CX3CR1: variants seen among roughly 807,000 people sequenced by gnomAD.
CX3CR1 encodes CX3C chemokine receptor 1.
For missense variants in CX3CR1, 363 were observed against 432.4 expected (o/e 0.84, Z 1.42); for synonymous variants, 168 against 178.5 (o/e 0.94, Z 0.47).
chr3:39,281,328 C>T (rs2040896227), upstream of CX3CR1: 1 of 896,486 alleles, frequency 1.1e-6, no homozygotes, highest in South Asian at 3.3e-5. Context: ...CCACCCCACA[C>T]CACCCCTTGA....
At chr3:39,291,394 T>A in the CX3CR1 span, among the ~76,000 whole-genome samples, 8 of 152,326 alleles carry the variant, frequency 5.3e-5, no homozygotes, top group South Asian at 1.7e-3. Context: ...TTTTTTCACG[T>A]GCAACATGTA....
chr3:39,276,586 C>T (rs1377992494), intron 1 of CX3CR1, among the ~76,000 whole-genome samples: 8 of 152,200 alleles, frequency 5.3e-5, no homozygotes, highest in Non-Finnish European at 8.8e-5. Flanking sequence ...CTCCTTGCTG[C>T]GTAGGATTCC....
intron 1 of CX3CR1, among the ~76,000 whole-genome samples, chr3:39,269,698 C>T (rs540847678): frequency 3.3e-5 from 5 of 152,280 alleles, no homozygotes; most frequent in South Asian, 2.1e-4. Context: ...TGAGGGCAGA[C>T]GAACACTCTG....
intron 1 of CX3CR1, among the ~76,000 whole-genome samples, chr3:39,270,480 T>C (rs1383804418): frequency 6.6e-6 from 1 of 152,252 alleles, no homozygotes; most frequent in East Asian, 1.9e-4. Context: ...AGTTTCTAGC[T>C]CTTGGAAACT....
At chr3:39,268,429 G>A (rs1187817349) in intron 1 of CX3CR1, among the ~76,000 whole-genome samples, 3 of 152,128 alleles carry the variant, frequency 2.0e-5, no homozygotes, top group Non-Finnish European at 4.4e-5. Context: ...GCTAATATGT[G>A]GGAAACAGAA....
upstream of CX3CR1, chr3:39,280,456 G>T (rs113215386): frequency 3.7e-4 from 362 of 985,476 alleles, 1 homozygote; most frequent in African/African-American, 6.1e-3. Flanking sequence ...CCAGGCACTG[G>T]GAGCTTATTA....
At chr3:39,270,937 CTA>C (rs1328093638) in intron 1 of CX3CR1, among the ~76,000 whole-genome samples, 5 of 152,204 alleles carry the variant, frequency 3.3e-5, no homozygotes, top group Non-Finnish European at 7.3e-5. Flanking sequence ...AGGATCATCT[CTA>C]TTTTTATGGG....
At chr3:39,277,756 G>A (rs745967299) in intron 1 of CX3CR1, among the ~76,000 whole-genome samples, 1 of 152,204 alleles carries the variant, frequency 6.6e-6, no homozygotes, top group South Asian at 2.1e-4. Flanking sequence ...CGATCGTCCT[G>A]ACTGGGTCAG....
At chr3:39,277,776 G>C (rs1052601380) in intron 1 of CX3CR1, among the ~76,000 whole-genome samples, 1 of 152,114 alleles carries the variant, frequency 6.6e-6, no homozygotes, top group Non-Finnish European at 1.5e-5. Flanking sequence ...GCTCTAATAC[G>C]TTCTTTGCTT....
upstream of CX3CR1, chr3:39,281,677 C>T: frequency 6.3e-7 from 1 of 1,599,018 alleles, no homozygotes; most frequent in Middle Eastern, 1.7e-4. Flanking sequence ...AACTTAAACG[C>T]CTCCAGGGGT....
upstream of CX3CR1, chr3:39,280,956 A>T: frequency 2.8e-6 from 1 of 358,874 alleles, no homozygotes; most frequent in Non-Finnish European, 3.9e-6. Context: ...GGCCTTCAAT[A>T]CACCTTCATT....
chr3:39,273,160 G>A (rs947481955), intron 1 of CX3CR1, among the ~76,000 whole-genome samples: 9 of 152,256 alleles, frequency 5.9e-5, no homozygotes, highest in African/African-American at 1.4e-4. Flanking sequence ...ACTGAAAATA[G>A]TAGACCCAGG....
chr3:39,275,303 A>G (rs943734356), intron 1 of CX3CR1, among the ~76,000 whole-genome samples: 1 of 152,222 alleles, frequency 6.6e-6, no homozygotes, highest in African/African-American at 2.4e-5. Context: ...AAACAAACCT[A>G]AGGGAGATAG....
upstream of CX3CR1, among the ~76,000 whole-genome samples, chr3:39,285,212 GAAAAAAAAA>G (rs4016656): frequency 8.6e-6 from 1 of 115,658 alleles, no homozygotes; most frequent in African/African-American, 3.4e-5. Context: ...CATTGGTACA[GAAAAAAAAA>G]AAAAAAAAAA....
chr3:39,292,783 C>T, the CX3CR1 span, among the ~76,000 whole-genome samples: 98 of 152,274 alleles, frequency 6.4e-4, 1 homozygote, highest in Middle Eastern at 6.8e-3. Context: ...AACCTGAATT[C>T]TTACTTACCA....
rs1201625446 is a variant in CX3CR1 at position 39,264,303 on chromosome 3, G to A, written c.*1139C>T. ...AGAAGTCTAAGAGGCAGACAAAAGG[G>A]TTGAGACCTGCAAGAGTTGGTGGCT... On this transcript the variant is annotated 3_prime_UTR_variant, in exon 2 of 2. Coordinates refer to ENST00000399220, the MANE Select transcript of CX3CR1 (RefSeq NM_001337.4). 6.6e-6 allele frequency: 1 copy of A among 152,338 alleles called. No individual in the cohort carries two copies. 9.4% of individuals were successfully genotyped at this position (152,338 alleles called of 1,614,324 possible). A position where few individuals can be genotyped will look rare whatever the true frequency, so the allele number is the denominator to read the frequency against.
chr3:39,272,903 C>A (rs1277669435), intron 1 of CX3CR1, among the ~76,000 whole-genome samples: 5 of 152,196 alleles, frequency 3.3e-5, no homozygotes, highest in African/African-American at 1.2e-4. Flanking sequence ...TGCTAAGTGT[C>A]ATGCTCCACA....
rs757198893 is a variant in CX3CR1, at chr3:39,266,176, C to T, written c.334G>A (p.Gly112Ser). The change falls in exon 2 of 2, where the codon GGC becomes AGC. Residue 112 changes from glycine to serine, a missense_variant. Coordinates refer to ENST00000399220, the MANE Select transcript of CX3CR1 (RefSeq NM_001337.4). ...CKFTTAFFFI[G>S]FFGSIFFITV... ...ATGAAGAATATGCTTCCAAAAAAGC[C>T]GATGAAGAAGAAGGCGGTAGTGAAT... The T allele has an allele frequency of 1.1e-5, 18 of 1,614,026 alleles. No homozygotes were observed. Among genetic ancestry groups the T allele is most frequent in the Middle Eastern group, 1.6e-4 (1 of 6,084 alleles).
chr3:39,276,797 C>T (rs2853712), intron 1 of CX3CR1, among the ~76,000 whole-genome samples: 83,892 of 151,980 alleles, frequency 0.55, 23,653 homozygotes, highest in East Asian at 0.82. Context: ...CAAAAATAGG[C>T]AAAGCTAAGC....
Sources: gnomAD v4.1 joint callset for allele counts (sites outside exome capture counted in the v4.1 genomes callset) on GRCh38, gnomAD v4.1.1 for gene constraint, MANE v1.5 for transcripts, NCBI Gene and HGNC (gene_info 2026-07-23, HGNC 2026-07-21) for gene names.